The following TMPRSS12 variants were observed in gnomAD, a reference collection of about 807,000 sequenced individuals.
TMPRSS12 encodes the protein transmembrane serine protease 12.
A neutral mutation model predicts 26.0 loss-of-function variants in TMPRSS12; 25 were observed. That is an observed-to-expected ratio of 0.96 (90% CI 0.70 to 1.34). The LOEUF is 1.34. Among genes scored for constraint, TMPRSS12 ranks in the 40% most tolerant of loss-of-function variants. The probability of loss-of-function intolerance (pLI) is 0.00; values close to 1 mark genes in which losing one functional copy is unlikely to be tolerated. For missense variants in TMPRSS12, 441 were observed against 440.1 expected, an observed-to-expected ratio of 1.00 and a Z score of -0.02; for synonymous variants, 150 against 161.7, an observed-to-expected ratio of 0.93 and a Z score of 0.55.
intron 3 of TMPRSS12, among the ~76,000 whole-genome samples, chr12:50,876,199 G>C (rs1218959756): frequency 3.9e-5 from 6 of 152,066 alleles, no homozygotes; most frequent in African/African-American, 1.4e-4. Flanking sequence ...ACCATAATGA[G>C]ATACTATCTC....
intron 3 of TMPRSS12, among the ~76,000 whole-genome samples, chr12:50,859,536 G>T (rs1937915637): frequency 6.6e-6 from 1 of 151,726 alleles, no homozygotes; most frequent in Admixed American, 6.6e-5. Context: ...TTTTGTATTT[G>T]TAGTAAAGAC....
chr12:50,863,284 CATA>C (rs1373625559), intron 3 of TMPRSS12, among the ~76,000 whole-genome samples: 1 of 152,022 alleles, frequency 6.6e-6, no homozygotes, highest in Non-Finnish European at 1.5e-5. Context: ...AGAGACATTA[CATA>C]ATAATAAAAG....
chr12:50,865,763 T>C (rs1193637388), intron 3 of TMPRSS12, among the ~76,000 whole-genome samples: 1 of 151,214 alleles, frequency 6.6e-6, no homozygotes, highest in Non-Finnish European at 1.5e-5. Flanking sequence ...TATAATAGAA[T>C]TACAGATTAG....
intron 3 of TMPRSS12, among the ~76,000 whole-genome samples, chr12:50,859,734 G>A (rs139253196): frequency 5.4e-4 from 82 of 152,294 alleles, no homozygotes; most frequent in African/African-American, 1.9e-3. Flanking sequence ...TAGTACAGCG[G>A]AACAGGTGTG....
intron 2 of TMPRSS12, among the ~76,000 whole-genome samples, chr12:50,856,099 A>G (rs945831423): frequency 2.6e-5 from 4 of 152,216 alleles, no homozygotes; most frequent in Non-Finnish European, 4.4e-5. Flanking sequence ...ATTGGGTACT[A>G]TGCTCATTAC....
At chr12:50,881,460 C>T (rs918707591) in intron 3 of TMPRSS12, among the ~76,000 whole-genome samples, 1 of 152,056 alleles carries the variant, frequency 6.6e-6, no homozygotes, top group Non-Finnish European at 1.5e-5. Context: ...GTAAATTAAA[C>T]CCTAATAAAG....
At chr12:50,852,133 T>A (rs1937831651) in intron 2 of TMPRSS12, among the ~76,000 whole-genome samples, 2 of 152,192 alleles carry the variant, frequency 1.3e-5, no homozygotes, top group Admixed American at 1.3e-4. Context: ...ATAAAGCAAC[T>A]ACACAATCAA....
At position 50,875,489 on chromosome 12, in the gene TMPRSS12, C is replaced by CAAA. The variant is rs56816598; in HGVS notation, c.653-9741_653-9739dup. On this transcript the variant is annotated intron_variant, in intron 3 of 4. Transcript: ENST00000398458. ...TGGGCGACAGAGCAAGACTCCATCT[C>CAAA]AAAAAAAAAAAAAAAAAAGACTACA... Among the ~76,000 whole-genome samples, 351 of 69,470 alleles carry CAAA rather than the reference C, an allele frequency of 5.1e-3. 13 individuals are homozygous for CAAA. The highest frequency in any genetic ancestry group is 0.02 in the African/African-American group (334 of 16,800). The allele number at this position is 69,470 out of a possible 152,430, so 45.6% of individuals were successfully genotyped here.
intron 3 of TMPRSS12, among the ~76,000 whole-genome samples, chr12:50,860,563 G>A (rs751037156): frequency 1.1e-4 from 17 of 152,124 alleles, no homozygotes; most frequent in Admixed American, 7.2e-4. Context: ...CTACAGGCAT[G>A]TGCCACCACG....
chr12:50,863,677 C>G (rs1937960006), intron 3 of TMPRSS12, among the ~76,000 whole-genome samples: 1 of 152,050 alleles, frequency 6.6e-6, no homozygotes, highest in South Asian at 2.1e-4. Context: ...TTTAAAATGT[C>G]ATATATGATT....
intron 3 of TMPRSS12, among the ~76,000 whole-genome samples, chr12:50,863,572 A>G (rs140119721): frequency 1.3e-5 from 2 of 152,356 alleles, no homozygotes; most frequent in Admixed American, 1.3e-4. Context: ...TAGCCTTACC[A>G]TAGAATATAA....
At chr12:50,865,043 T>C (rs1937977966) in intron 3 of TMPRSS12, among the ~76,000 whole-genome samples, 1 of 152,136 alleles carries the variant, frequency 6.6e-6, no homozygotes, top group African/African-American at 2.4e-5. Flanking sequence ...TTAAAACTCA[T>C]TGGATAGGCT....
At chr12:50,871,486 T>C (rs1000120927) in intron 3 of TMPRSS12, among the ~76,000 whole-genome samples, 14 of 152,112 alleles carry the variant, frequency 9.2e-5, no homozygotes, top group Admixed American at 9.2e-4. Flanking sequence ...CCTGAAAGTA[T>C]AAAAATTCTA....
intron 1 of TMPRSS12, 38 bp from the exon 2 acceptor site, chr12:50,843,804 G>T: frequency 1.9e-6 from 3 of 1,538,742 alleles, no homozygotes; most frequent in Non-Finnish European, 2.6e-6. Flanking sequence ...ACATACTATA[G>T]ATGCTCAGTC....
At chr12:50,859,858 G>A (rs988959239) in intron 3 of TMPRSS12, among the ~76,000 whole-genome samples, 1 of 152,182 alleles carries the variant, frequency 6.6e-6, no homozygotes, top group African/African-American at 2.4e-5. Flanking sequence ...GCCTAACGAT[G>A]TATTTCTCAG....
At chr12:50,883,775 G>A (rs1336301918) in intron 3 of TMPRSS12, among the ~76,000 whole-genome samples, 2 of 152,118 alleles carry the variant, frequency 1.3e-5, no homozygotes, top group Non-Finnish European at 2.9e-5. Flanking sequence ...AGGCCAAGGT[G>A]GGAAGATCAC....
chr12:50,869,380 A>G lies in TMPRSS12; in HGVS notation c.652+10327A>G, dbSNP rs556304125. 5.3e-5 allele frequency among the ~76,000 whole-genome samples: 8 copies of G among 152,332 alleles called. No homozygotes were observed. In the South Asian group the frequency reaches 1.7e-3, roughly 32 times the overall value. On this transcript the variant is annotated intron_variant, in intron 3 of 4. Transcript: ENST00000398458. ...AGTGCTACTATGAACACCTTTATGCACATAAACTAGAAAATCTAGAAGGAG... is the reference window on the plus strand; with the variant it reads ...AGTGCTACTATGAACACCTTTATGCGCATAAACTAGAAAATCTAGAAGGAG...
At chr12:50,885,500 A>C in intron 4 of TMPRSS12, 112 bp downstream of exon 4, 2 of 1,263,604 alleles carry the variant, frequency 1.6e-6, no homozygotes, top group Non-Finnish European at 2.3e-6. Flanking sequence ...TAAAAATAAT[A>C]AATCATTTTT....
chr12:50,843,896 G>A lies in TMPRSS12; in HGVS notation c.242G>A (p.Gly81Asp). 1 of 1,572,358 alleles carries A rather than the reference G, an allele frequency of 6.4e-7. No homozygotes were observed. Among genetic ancestry groups the A allele is most frequent in the East Asian group, 2.3e-5 (1 of 42,970 alleles). The part of the protein sequence containing the change: ...DVLQGSRIIG[G>D]TEAQAGAWPW... ...TTGCAAGGGTCTCGGATTATAGGGG[G>A]CACCGAAGCACAAGCTGGCGCATGG... Residue 81 changes from glycine (G) to aspartate (D), a missense_variant, in exon 2 of 5, where the codon GGC becomes GAC. Transcript: ENST00000398458.
Sources: allele counts gnomAD v4.1 joint callset (sites outside exome capture counted in the v4.1 genomes callset), GRCh38; gene constraint gnomAD v4.1.1; transcripts MANE v1.5; gene names NCBI Gene and HGNC (gene_info 2026-07-23, HGNC 2026-07-21).